KCNC2: variants seen among roughly 807,000 people sequenced by gnomAD.
The protein encoded by KCNC2 is potassium voltage-gated channel subfamily C member 2.
KCNC2 carries 21 observed loss-of-function variants against 44.5 expected under a neutral mutation model. The observed-to-expected ratio is 0.47, with a 90% CI of 0.33 to 0.68. The LOEUF is 0.68. Among genes scored for constraint, KCNC2 ranks in the 30% least tolerant of loss-of-function variants. The probability of loss-of-function intolerance (pLI) is 0.01; values close to 1 mark genes in which losing one functional copy is unlikely to be tolerated. For missense variants in KCNC2, 589 were observed against 826.2 expected, an observed-to-expected ratio of 0.71 and a Z score of 3.52; for synonymous variants, 391 against 339.1, an observed-to-expected ratio of 1.15 and a Z score of -1.68.
intron 2 of KCNC2, among the ~76,000 whole-genome samples, chr12:75,143,141 G>A (rs934981552): frequency 3.9e-5 from 6 of 152,084 alleles, no homozygotes; most frequent in Non-Finnish European, 8.8e-5. Context: ...TAGGAAATTC[G>A]AGATCTAATT....
chr12:75,067,014 G>A (rs1268609472), intron 2 of KCNC2, among the ~76,000 whole-genome samples: 1 of 152,008 alleles, frequency 6.6e-6, no homozygotes, highest in Non-Finnish European at 1.5e-5. Context: ...ACCAGCCTGG[G>A]CTACATGGAA....
In KCNC2 at chr12:75,179,001, CAAACA is replaced by C. The variant is rs148214027; in HGVS notation, c.687+28291_687+28295del. 3.7e-3 allele frequency among the ~76,000 whole-genome samples: 566 copies of C among 151,204 alleles called. 1 individual carries two copies. The highest frequency in any genetic ancestry group is 0.013 in the African/African-American group (528 of 40,916). On this transcript the variant is annotated intron_variant, in intron 2 of 4. Coordinates refer to ENST00000549446, the MANE Select transcript of KCNC2 (RefSeq NM_139137.4). ...TCCCTATAGAAAACAAACAAACAAA[CAAACA>C]AAACAGTAGAAGGAAATCTCCTTTC...
intron 2 of KCNC2, among the ~76,000 whole-genome samples, chr12:75,131,414 C>T (rs1198854251): frequency 6.6e-6 from 1 of 152,078 alleles, no homozygotes; most frequent in Admixed American, 6.6e-5. Context: ...TAGCAGTAGG[C>T]AGAATGGGCC....
chr12:75,072,837 A>T (rs1250941316), intron 2 of KCNC2, among the ~76,000 whole-genome samples: 2 of 152,188 alleles, frequency 1.3e-5, no homozygotes, highest in African/African-American at 4.8e-5. Flanking sequence ...ATCTGACATG[A>T]TTTTAAGACA....
chr12:75,045,394 G>A (rs1015794306), intron 4 of KCNC2, among the ~76,000 whole-genome samples: 1 of 151,858 alleles, frequency 6.6e-6, no homozygotes, highest in Non-Finnish European at 1.5e-5. Context: ...TATTTCTAAT[G>A]ACTATAATTT....
chr12:75,058,503 C>T (rs747280231), intron 2 of KCNC2, among the ~76,000 whole-genome samples: 2 of 151,880 alleles, frequency 1.3e-5, no homozygotes, highest in Non-Finnish European at 2.9e-5. Flanking sequence ...ATAAATTATC[C>T]AAAAATATTT....
At chr12:75,132,337 A>G (rs1330930899) in intron 2 of KCNC2, among the ~76,000 whole-genome samples, 1 of 152,194 alleles carries the variant, frequency 6.6e-6, no homozygotes, top group Non-Finnish European at 1.5e-5. Context: ...TTTGCAATGT[A>G]CCAAAAATAA....
intron 4 of KCNC2, chr12:75,044,925 T>C (rs558655732): frequency 6.6e-6 from 1 of 152,036 alleles, no homozygotes; most frequent in South Asian, 2.1e-4. Context: ...GATGGAATAG[T>C]GGGAGGATAT....
At chr12:75,068,183 G>C (rs1883026080) in intron 2 of KCNC2, among the ~76,000 whole-genome samples, 1 of 152,138 alleles carries the variant, frequency 6.6e-6, no homozygotes, top group South Asian at 2.1e-4. Context: ...GTGGTGTTGA[G>C]TCCAAATTGG....
chr12:75,091,972 GT>G (rs1885519650), intron 2 of KCNC2, among the ~76,000 whole-genome samples: 1 of 151,506 alleles, frequency 6.6e-6, no homozygotes, highest in Admixed American at 6.6e-5. Context: ...AAATATACAT[GT>G]TTCATTTCTA....
intron 2 of KCNC2, among the ~76,000 whole-genome samples, chr12:75,174,389 G>T (rs1472074507): frequency 6.6e-6 from 1 of 151,782 alleles, no homozygotes; most frequent in African/African-American, 2.4e-5. Flanking sequence ...CTTAGGTAAA[G>T]TAATTGAATG....
At chr12:75,060,842 A>G (rs2136988176) in intron 2 of KCNC2, among the ~76,000 whole-genome samples, 1 of 152,216 alleles carries the variant, frequency 6.6e-6, no homozygotes, top group East Asian at 1.9e-4. Flanking sequence ...TGATATGAAT[A>G]TCACCTCTCC....
chr12:75,138,613 T>C lies in KCNC2; in HGVS notation c.687+68684A>G, dbSNP rs540558103. On this transcript the variant is annotated intron_variant, in intron 2 of 4. Transcript: ENST00000549446. ...GTATGTTTTTATTGTATTTACTGAG[T>C]TGACTTTGGGCAAGAAATTAGAAGA... Among the ~76,000 whole-genome samples, 28 of 152,080 alleles carry C rather than the reference T, an allele frequency of 1.8e-4. No homozygotes were observed. The South Asian group carries it at 5.2e-3, about 28-fold the overall frequency.
At chr12:75,122,501 C>T (rs1434157114) in intron 2 of KCNC2, among the ~76,000 whole-genome samples, 17 of 152,286 alleles carry the variant, frequency 1.1e-4, no homozygotes, top group African/African-American at 4.1e-4. Context: ...TGATCTTAGA[C>T]ATTCATTAAT....
chr12:75,095,865 T>C (rs1454352623), intron 2 of KCNC2, among the ~76,000 whole-genome samples: 1 of 151,972 alleles, frequency 6.6e-6, no homozygotes, highest in Non-Finnish European at 1.5e-5. Flanking sequence ...ACCATAATTA[T>C]AATAATTTAT....
At chr12:75,093,400 C>G (rs1885655580) in intron 2 of KCNC2, among the ~76,000 whole-genome samples, 1 of 151,516 alleles carries the variant, frequency 6.6e-6, no homozygotes, top group South Asian at 2.1e-4. Flanking sequence ...CTGTAAGAAG[C>G]TAGAGGTCCT....
At chr12:75,105,591 A>C (rs1886720053) in intron 2 of KCNC2, among the ~76,000 whole-genome samples, 1 of 152,214 alleles carries the variant, frequency 6.6e-6, no homozygotes, top group Non-Finnish European at 1.5e-5. Context: ...GAAAAGAAGT[A>C]TTAAATTCTA....
intron 2 of KCNC2, among the ~76,000 whole-genome samples, chr12:75,051,969 T>A (rs982755112): frequency 6.6e-6 from 1 of 152,024 alleles, no homozygotes; most frequent in Non-Finnish European, 1.5e-5. Context: ...GCAATTTAAA[T>A]GAAAATGTCT....
chr12:75,096,129 C>G (rs1177347112), intron 2 of KCNC2, among the ~76,000 whole-genome samples: 1 of 151,902 alleles, frequency 6.6e-6, no homozygotes, highest in African/African-American at 2.4e-5. Flanking sequence ...AGACAAATAC[C>G]ACAGTTGGCA....
Sources: allele counts gnomAD v4.1 joint callset (sites outside exome capture counted in the v4.1 genomes callset), GRCh38; gene constraint gnomAD v4.1.1; transcripts MANE v1.5; gene names NCBI Gene and HGNC (gene_info 2026-07-23, HGNC 2026-07-21).